Variants in STK32B observed in about 807,000 individuals in gnomAD.
STK32B encodes serine/threonine-protein kinase 32B.
Under a neutral mutation model 52.6 loss-of-function variants are expected in STK32B, and 43 were observed. The ratio of observed to expected loss-of-function variants is 0.82; its 90% confidence interval spans 0.64 to 1.05. The LOEUF is 1.05. Ranked by LOEUF, STK32B falls within the 50% of genes least tolerant of loss-of-function variation. The pLI is 0.00. For synonymous variants in STK32B, 238 were observed against 204.3 expected (o/e 1.17, Z -1.41); for missense variants, 621 against 534.6 (o/e 1.16, Z -1.59).
intron 4 of STK32B, among the ~76,000 whole-genome samples, chr4:5,346,029 TG>T (rs1201260702): frequency 3.3e-5 from 5 of 152,112 alleles, no homozygotes; most frequent in Non-Finnish European, 7.4e-5. Context: ...TGTGGGTGTA[TG>T]GTTGTTATTT....
chr4:5,032,091 G>C, the STK32B span, among the ~76,000 whole-genome samples: 6 of 151,580 alleles, frequency 4.0e-5, no homozygotes, highest in African/African-American at 9.7e-5. Context: ...TTTTGTATCA[G>C]TTGCATATAC....
chr4:5,325,168 A>G (rs1340167146), intron 3 of STK32B, among the ~76,000 whole-genome samples: 1 of 152,148 alleles, frequency 6.6e-6, no homozygotes, highest in Non-Finnish European at 1.5e-5. Context: ...GAAGCACATC[A>G]TGCAAAAAAT....
At chr4:5,367,468 A>G (rs982535247) in intron 4 of STK32B, among the ~76,000 whole-genome samples, 1 of 152,112 alleles carries the variant, frequency 6.6e-6, no homozygotes, top group Non-Finnish European at 1.5e-5. Context: ...TATTGACCAC[A>G]TGTTAGTGGA....
intron 3 of STK32B, among the ~76,000 whole-genome samples, chr4:5,296,074 TTGAG>T (rs2108889643): frequency 6.6e-6 from 1 of 152,338 alleles, no homozygotes; most frequent in African/African-American, 2.4e-5. Flanking sequence ...TCGTGTGGTT[TTGAG>T]TGAGTTTCTT....
intron 5 of STK32B, among the ~76,000 whole-genome samples, chr4:5,403,928 T>C (rs1560384977): frequency 6.6e-6 from 1 of 151,588 alleles, no homozygotes; most frequent in Admixed American, 6.6e-5. Context: ...ACCATATGGG[T>C]CCCAAGACTG....
At chr4:5,252,114 G>A (rs1207715701) in intron 3 of STK32B, among the ~76,000 whole-genome samples, 1 of 152,172 alleles carries the variant, frequency 6.6e-6, no homozygotes, top group Non-Finnish European at 1.5e-5. Context: ...TGTCTCAGTT[G>A]AGGAGCTCCT....
At chr4:5,159,903 G>T (rs1336258555) in intron 2 of STK32B, among the ~76,000 whole-genome samples, 1 of 151,756 alleles carries the variant, frequency 6.6e-6, no homozygotes, top group Non-Finnish European at 1.5e-5. Flanking sequence ...GGAGACGCAG[G>T]AAGGAGCTGA....
chr4:5,474,855 A>G (rs1217463936), intron 11 of STK32B, among the ~76,000 whole-genome samples: 3 of 152,176 alleles, frequency 2.0e-5, no homozygotes, highest in Non-Finnish European at 4.4e-5. Context: ...GGTGTCTCTG[A>G]AACTCAGAAG....
Position 5,456,929 on chromosome 4 carries a change from G to C in STK32B, c.783+6G>C. On this transcript the variant is annotated splice_donor_region_variant and intron_variant, in intron 8 of 11. Coordinates refer to ENST00000282908, the MANE Select transcript of STK32B (RefSeq NM_018401.3). ...TGGTGGCCCTGCTGAGGAAGGTAAG[G>C]GGGCAGCTTCCAGCCTGCCCCGCCA... The C allele has an allele frequency of 6.6e-7, 1 of 1,526,610 alleles. No homozygotes were observed. Among genetic ancestry groups the C allele is most frequent in the Non-Finnish European group, 8.8e-7 (1 of 1,132,426 alleles). 94.6% of individuals were successfully genotyped at this position (1,526,610 alleles called of 1,614,324 possible).
intron 11 of STK32B, among the ~76,000 whole-genome samples, chr4:5,486,893 A>C (rs935603213): frequency 2.6e-5 from 4 of 152,236 alleles, no homozygotes; most frequent in Non-Finnish European, 5.9e-5. Context: ...CTCTTTGAGA[A>C]GTTTCACTGG....
chr4:5,439,366 T>G (rs1714471103), intron 6 of STK32B, among the ~76,000 whole-genome samples: 1 of 151,910 alleles, frequency 6.6e-6, no homozygotes, highest in Non-Finnish European at 1.5e-5. Context: ...ATGATGAGCA[T>G]TTTTTCATGT....
chr4:5,253,233 C>T lies in STK32B; in HGVS notation c.261-77987C>T, dbSNP rs75229249. On this transcript the variant is annotated intron_variant, in intron 3 of 11. Coordinates refer to ENST00000282908, the MANE Select transcript of STK32B (RefSeq NM_018401.3). ...TCTGTCTAGAGGGAGTTCCCTTCAACTCTGCTTGAAGAAAGCCTACCTGGA... is the reference window on the plus strand; with the variant it reads ...TCTGTCTAGAGGGAGTTCCCTTCAATTCTGCTTGAAGAAAGCCTACCTGGA... 7.3e-3 allele frequency among the ~76,000 whole-genome samples: 1,118 copies of T among 152,172 alleles called. 13 individuals are homozygous for T. Among genetic ancestry groups the T allele is most frequent in the African/African-American group, 0.025 (1,057 of 41,520 alleles).
chr4:5,418,060 G>A lies in STK32B; in HGVS notation c.562+1126G>A, dbSNP rs113853070. Among the ~76,000 whole-genome samples the A allele has an allele frequency of 5.8e-3, 884 of 152,326 alleles. 11 individuals are homozygous for A. The highest frequency in any genetic ancestry group is 0.019 in the African/African-American group (793 of 41,582). On this transcript the variant is annotated intron_variant, in intron 6 of 11. Transcript: ENST00000282908. ...CATTTCCTGGTGTTCTGTTGGCCAA[G>A]GCAAGTCACATAGCCAACCACGTGG...
At chr4:5,451,853 G>A (rs1716030636) in intron 7 of STK32B, among the ~76,000 whole-genome samples, 1 of 152,158 alleles carries the variant, frequency 6.6e-6, no homozygotes, top group African/African-American at 2.4e-5. Flanking sequence ...AGGACTAAGT[G>A]GGATCCTGCA....
intron 3 of STK32B, among the ~76,000 whole-genome samples, chr4:5,311,916 T>TATATA (rs201864559): frequency 0.01 from 1,319 of 130,386 alleles, 20 homozygotes; most frequent in African/African-American, 0.045. Context: ...ATATATATAT[T>TATATA]TTTTTTTAAA....
At chr4:5,032,706 T>C in the STK32B span, among the ~76,000 whole-genome samples, 1 of 152,088 alleles carries the variant, frequency 6.6e-6, no homozygotes, top group African/African-American at 2.4e-5. Flanking sequence ...TACATTCACA[T>C]TGTTGTACAA....
intron 2 of STK32B, among the ~76,000 whole-genome samples, chr4:5,143,089 T>G (rs1313320150): frequency 8.2e-6 from 1 of 121,420 alleles, no homozygotes; most frequent in African/African-American, 2.6e-5. Context: ...ATAAATCTGT[T>G]TCTGTCTCTG....
chr4:5,483,679 T>C (rs1360557745), intron 11 of STK32B, among the ~76,000 whole-genome samples: 3 of 152,170 alleles, frequency 2.0e-5, no homozygotes, highest in Non-Finnish European at 2.9e-5. Flanking sequence ...ATTGTGATGT[T>C]AGGGTATCAA....
intron 11 of STK32B, among the ~76,000 whole-genome samples, chr4:5,486,443 T>C (rs1326962212): frequency 1.3e-5 from 2 of 152,238 alleles, no homozygotes; most frequent in African/African-American, 4.8e-5. Flanking sequence ...AAAAGCAGTA[T>C]TAGGGTGGGA....
Sources: gnomAD v4.1 joint callset for allele counts (sites outside exome capture counted in the v4.1 genomes callset) on GRCh38, gnomAD v4.1.1 for gene constraint, MANE v1.5 for transcripts, NCBI Gene and HGNC (gene_info 2026-07-23, HGNC 2026-07-21) for gene names.